The following DNAH14 variants were observed in gnomAD, a reference collection of about 807,000 sequenced individuals.
DNAH14 encodes dynein axonemal heavy chain 14.
Under a neutral mutation model 520.9 loss-of-function variants are expected in DNAH14, and 478 were observed. The ratio of observed to expected loss-of-function variants is 0.92; its 90% CI spans 0.85 to 0.99. DNAH14 has a LOEUF of 0.99. DNAH14 is among the 50% of genes least tolerant of loss of function. The probability of loss-of-function intolerance (pLI) is 0.00; values close to 1 mark genes in which losing one functional copy is unlikely to be tolerated. For synonymous variants in DNAH14, 1,581 were observed against 1,757.2 expected (o/e 0.90, Z 2.51); for missense variants, 4,831 against 5,234.5 (o/e 0.92, Z 2.38).
At chr1:225,082,806 G>A in intron 20 of DNAH14, 67 bp downstream of exon 20, 1 of 1,287,926 alleles carries the variant, frequency 7.8e-7, no homozygotes. Flanking sequence ...AAATAGGCGA[G>A]TAAATATACA....
intron 11 of DNAH14, among the ~76,000 whole-genome samples, chr1:225,029,628 G>C (rs1014573637): frequency 1.3e-5 from 2 of 152,024 alleles, no homozygotes; most frequent in Admixed American, 1.3e-4. Flanking sequence ...TACAATAAAT[G>C]CTACAAAGAA....
intron 17 of DNAH14, among the ~76,000 whole-genome samples, chr1:225,076,195 G>A (rs979795443): frequency 6.6e-6 from 1 of 152,220 alleles, no homozygotes; most frequent in Non-Finnish European, 1.5e-5. Context: ...TGGCATGGTA[G>A]TGGGGAGAAC....
chr1:225,225,469 C>A (rs918330892), intron 41 of DNAH14, among the ~76,000 whole-genome samples: 1 of 152,152 alleles, frequency 6.6e-6, no homozygotes, highest in Non-Finnish European at 1.5e-5. Flanking sequence ...TTCAACAATT[C>A]TGTCCCACAT....
At position 225,303,163 on chromosome 1, in the gene DNAH14, A is replaced by G. The variant is rs867221756; in HGVS notation, c.8639A>G (p.Tyr2880Cys). Reference protein sequence around the residue: ...SLLSFFQKRIYKNLHIFVIMS... With the variant: ...SLLSFFQKRICKNLHIFVIMS... ...ATTTTCATTAATTTTCAGAGAATAT[A>G]TAAAAATCTTCATATTTTTGTGATC... Residue 2880 changes from tyrosine to cysteine, a missense_variant, in exon 57 of 86, where the codon TAT becomes TGT. Transcript: ENST00000682510. 3.4e-6 allele frequency: 5 copies of G among 1,482,492 alleles called. No homozygotes were observed. The African/African-American group carries it at 4.3e-5, about 13-fold the overall frequency. The allele number at this position is 1,482,492 out of a possible 1,614,324, so 91.8% of individuals were successfully genotyped here.
Position 225,398,642 on chromosome 1 carries a change from C to T in DNAH14, c.13614C>T (p.Pro4538=), listed in dbSNP as rs929040717. Residue 4538 remains proline, a synonymous_variant, in exon 85 of 86, where the codon CCC becomes CCT. Transcript: ENST00000682510. ...CTCTGGAGATGTGCTGTGATTTTCC[C>T]GACATATACTTTTTGCCAACAAAGG... ...SLPLEMCCDF[P]DIYFLPTKIS... 7.1e-6 allele frequency: 11 copies of T among 1,551,526 alleles called. 1 individual carries two copies. Among genetic ancestry groups the T allele is most frequent in the African/African-American group, 4.1e-5 (3 of 73,024 alleles).
chr1:225,206,862 C>G, intron 40 of DNAH14, 106 bp from the exon 41 acceptor site: 1 of 993,884 alleles, frequency 1.0e-6, no homozygotes, highest in Non-Finnish European at 1.4e-6. Flanking sequence ...AATTCTAAGT[C>G]ATATTTATGA....
At chr1:225,056,388 G>T (rs147239490) in intron 17 of DNAH14, among the ~76,000 whole-genome samples, 112,302 of 151,978 alleles carry the variant, frequency 0.74, 44,356 homozygotes, top group Non-Finnish European at 0.88. Context: ...GTTGTTTTTT[G>T]CTTGTAAATT....
chr1:225,394,607 T>A (rs1053119557), intron 84 of DNAH14, among the ~76,000 whole-genome samples: 6 of 151,932 alleles, frequency 3.9e-5, no homozygotes, highest in Non-Finnish European at 8.8e-5. Flanking sequence ...CTTTGAGAGG[T>A]CAAGGTGGGC....
At chr1:225,376,097 GA>G (rs199621283) in intron 78 of DNAH14, among the ~76,000 whole-genome samples, 1 of 151,338 alleles carries the variant, frequency 6.6e-6, no homozygotes, top group East Asian at 1.9e-4. Flanking sequence ...GAAAAAGAAG[GA>G]AAAAAAACTG....
At chr1:225,063,792 T>C (rs1371938100) in intron 17 of DNAH14, among the ~76,000 whole-genome samples, 1 of 151,478 alleles carries the variant, frequency 6.6e-6, no homozygotes, top group Non-Finnish European at 1.5e-5. Context: ...TGAGGAGCGC[T>C]CAATGAAATC....
chr1:225,057,594 C>T (rs912821427), intron 17 of DNAH14, among the ~76,000 whole-genome samples: 1 of 152,124 alleles, frequency 6.6e-6, no homozygotes, highest in African/African-American at 2.4e-5. Flanking sequence ...AGAGGGCATC[C>T]CTGTCTTGTG....
At chr1:225,106,934 T>C (rs3128675) in intron 23 of DNAH14, among the ~76,000 whole-genome samples, 30,753 of 152,138 alleles carry the variant, frequency 0.2, 6,457 homozygotes, top group African/African-American at 0.53. Flanking sequence ...GAGCTGCGTT[T>C]CTTTGGAGGA....
chr1:225,358,421 G>T, intron 73 of DNAH14, 75 bp from the exon 74 acceptor site: 1 of 1,244,980 alleles, frequency 8.0e-7, no homozygotes. Flanking sequence ...TCTTATTTTT[G>T]TTTCATTTTA....
intron 17 of DNAH14, among the ~76,000 whole-genome samples, chr1:225,057,033 G>T (rs1306636728): frequency 1.3e-5 from 2 of 151,992 alleles, no homozygotes; most frequent in African/African-American, 2.4e-5. Context: ...TGGTTCCATA[G>T]GAACTTTAAA....
chr1:225,164,338 G>T (rs554462480), intron 35 of DNAH14, among the ~76,000 whole-genome samples: 2 of 151,908 alleles, frequency 1.3e-5, no homozygotes, highest in Non-Finnish European at 2.9e-5. Flanking sequence ...TTTGATGCTA[G>T]GTTTATCTTC....
intron 17 of DNAH14, among the ~76,000 whole-genome samples, chr1:225,056,883 G>T (rs1318979180): frequency 6.6e-6 from 1 of 152,080 alleles, no homozygotes; most frequent in Non-Finnish European, 1.5e-5. Flanking sequence ...CTGTTCCGTT[G>T]GTCTATATCT....
chr1:225,062,798 C>T (rs544271339), intron 17 of DNAH14, among the ~76,000 whole-genome samples: 62 of 152,176 alleles, frequency 4.1e-4, no homozygotes, highest in Non-Finnish European at 7.2e-4. Context: ...CATTTTATAA[C>T]TACCCTTCCA....
chr1:225,293,371 G>A (rs1160900781), intron 55 of DNAH14, among the ~76,000 whole-genome samples: 2 of 152,102 alleles, frequency 1.3e-5, no homozygotes, highest in African/African-American at 4.8e-5. Flanking sequence ...ATACATGCAT[G>A]TGTATGTCAC....
intron 23 of DNAH14, among the ~76,000 whole-genome samples, chr1:225,113,784 TG>T (rs2076661587): frequency 6.6e-6 from 1 of 152,320 alleles, no homozygotes; most frequent in East Asian, 1.9e-4. Flanking sequence ...TAGGGAGTAC[TG>T]CCGGGGTACC....
Sources: allele counts gnomAD v4.1 joint callset (sites outside exome capture counted in the v4.1 genomes callset), GRCh38; gene constraint gnomAD v4.1.1; transcripts MANE v1.5; gene names NCBI Gene and HGNC (gene_info 2026-07-23, HGNC 2026-07-21).